The following STAG1 variants were observed in gnomAD, a reference collection of about 807,000 sequenced individuals.
The protein encoded by STAG1 is STAG1 cohesin complex component.
A neutral mutation model predicts 170.9 loss-of-function variants in STAG1; 26 were observed. The ratio of observed to expected loss-of-function variants is 0.15; its 90% CI spans 0.11 to 0.21. The LOEUF (loss-of-function observed/expected upper bound fraction) is 0.21, where lower values mean the gene tolerates loss of function less well. STAG1 is among the 10% of genes least tolerant of loss of function. The pLI is 1.00. For missense variants in STAG1, 964 were observed against 1,509.5 expected, an observed-to-expected ratio of 0.64 and a Z score of 5.99; for synonymous variants, 514 against 497.7, an observed-to-expected ratio of 1.03 and a Z score of -0.44.
chr3:136,578,541 CAACT>C (rs1937525705), intron 4 of STAG1, among the ~76,000 whole-genome samples: 1 of 152,202 alleles, frequency 6.6e-6, no homozygotes, highest in Admixed American at 6.5e-5. Context: ...GATCCCTGTA[CAACT>C]ATTCCAAGTA....
At chr3:136,475,382 G>A (rs913983528) in intron 10 of STAG1, among the ~76,000 whole-genome samples, 2 of 152,000 alleles carry the variant, frequency 1.3e-5, no homozygotes, top group Non-Finnish European at 2.9e-5. Flanking sequence ...CCTGACCTCA[G>A]GTGATCCGCC....
At chr3:136,622,818 T>C (rs1939924842) in intron 3 of STAG1, among the ~76,000 whole-genome samples, 1 of 152,168 alleles carries the variant, frequency 6.6e-6, no homozygotes, top group Non-Finnish European at 1.5e-5. Context: ...AAAACAGTAC[T>C]TGGGAGCTCA....
chr3:136,369,599 G>C (rs1253234112), intron 23 of STAG1, among the ~76,000 whole-genome samples: 1 of 151,992 alleles, frequency 6.6e-6, no homozygotes, highest in Non-Finnish European at 1.5e-5. Context: ...GTTGATTACA[G>C]GTCAAAGAAC....
intron 16 of STAG1, among the ~76,000 whole-genome samples, chr3:136,423,777 C>T (rs2088028779): frequency 6.6e-6 from 1 of 152,076 alleles, no homozygotes; most frequent in South Asian, 2.1e-4. Flanking sequence ...ATATAAATTG[C>T]CACTTCATAA....
At chr3:136,398,279 A>T (rs1434039012) in intron 22 of STAG1, among the ~76,000 whole-genome samples, 2 of 152,112 alleles carry the variant, frequency 1.3e-5, no homozygotes, top group Non-Finnish European at 2.9e-5. Flanking sequence ...CACCATGCCC[A>T]GCTAATTTTT....
intron 7 of STAG1, among the ~76,000 whole-genome samples, chr3:136,516,244 T>G (rs895376525): frequency 1.3e-5 from 2 of 152,020 alleles, no homozygotes; most frequent in Non-Finnish European, 2.9e-5. Flanking sequence ...GCAGGCTGGG[T>G]GTGGTTGTAA....
chr3:136,398,035 C>T (rs1215540864), intron 22 of STAG1, among the ~76,000 whole-genome samples: 1 of 152,064 alleles, frequency 6.6e-6, no homozygotes, highest in African/African-American at 2.4e-5. Flanking sequence ...CAACCTCTGC[C>T]TCCTGGGTTC....
intron 1 of STAG1, among the ~76,000 whole-genome samples, chr3:136,733,528 G>A (rs1439432328): frequency 2.0e-5 from 3 of 152,108 alleles, no homozygotes; most frequent in Admixed American, 6.6e-5. Flanking sequence ...GACTTAGAAA[G>A]GTTAAAGAAG....
chr3:136,409,250 C>A (rs548822385), intron 21 of STAG1, among the ~76,000 whole-genome samples: 1 of 152,112 alleles, frequency 6.6e-6, no homozygotes, highest in East Asian at 1.9e-4. Flanking sequence ...GGTGACAGCA[C>A]AAGACTCTGT....
intron 9 of STAG1, among the ~76,000 whole-genome samples, chr3:136,477,781 T>C (rs530183002): frequency 6.6e-6 from 1 of 152,154 alleles, no homozygotes; most frequent in Admixed American, 6.5e-5. Flanking sequence ...TCAAAAGAAC[T>C]GTTAATCTTT....
At chr3:136,362,626 A>G (rs1936919089) in intron 26 of STAG1, among the ~76,000 whole-genome samples, 1 of 150,998 alleles carries the variant, frequency 6.6e-6, no homozygotes, top group Admixed American at 6.6e-5. Flanking sequence ...AAAAAAAGAA[A>G]AAAAAAGAAA....
chr3:136,719,422 G>A (rs1933075157), intron 1 of STAG1, among the ~76,000 whole-genome samples: 1 of 151,956 alleles, frequency 6.6e-6, no homozygotes, highest in African/African-American at 2.4e-5. Context: ...TCTGAAATTA[G>A]GTAGTGTTGG....
chr3:136,397,340 TG>T (rs1469044691), intron 22 of STAG1, among the ~76,000 whole-genome samples: 2 of 152,226 alleles, frequency 1.3e-5, no homozygotes, highest in Non-Finnish European at 2.9e-5. Context: ...GTTTTACTTG[TG>T]GAAAATTCTT....
intron 7 of STAG1, among the ~76,000 whole-genome samples, chr3:136,519,717 A>G (rs917484627): frequency 6.6e-5 from 10 of 152,128 alleles, no homozygotes; most frequent in Admixed American, 5.9e-4. Flanking sequence ...GTCTAACATT[A>G]TATAACTGTT....
At chr3:136,464,641 C>A (rs947337993) in intron 13 of STAG1, among the ~76,000 whole-genome samples, 1 of 151,938 alleles carries the variant, frequency 6.6e-6, no homozygotes, top group South Asian at 2.1e-4. Flanking sequence ...TCTCCACTCA[C>A]ATCTAGCTGA....
intron 3 of STAG1, among the ~76,000 whole-genome samples, chr3:136,611,475 G>C (rs1939273558): frequency 1.3e-5 from 2 of 151,382 alleles, no homozygotes; most frequent in Non-Finnish European, 2.9e-5. Context: ...TTTTGTGCAT[G>C]AAACAAAGTT....
At chr3:136,449,953 G>A (rs2088891102) in intron 14 of STAG1, among the ~76,000 whole-genome samples, 1 of 143,282 alleles carries the variant, frequency 7.0e-6, no homozygotes, top group African/African-American at 2.7e-5. Context: ...GAGTACAAAT[G>A]GAGCGATCAT....
At chr3:136,433,823 G>A (rs2088379849) in intron 15 of STAG1, among the ~76,000 whole-genome samples, 164 bp from the exon 16 acceptor site, 1 of 151,438 alleles carries the variant, frequency 6.6e-6, no homozygotes. Flanking sequence ...AAGTAATTAT[G>A]TGCTTGCTGT....
intron 1 of STAG1, among the ~76,000 whole-genome samples, chr3:136,749,165 T>C (rs969221873): frequency 6.6e-6 from 1 of 152,184 alleles, no homozygotes. Context: ...AATATATGTT[T>C]GCATATGTAA....
Sources: allele counts gnomAD v4.1 joint callset (sites outside exome capture counted in the v4.1 genomes callset), GRCh38; gene constraint gnomAD v4.1.1; transcripts MANE v1.5; gene names NCBI Gene and HGNC (gene_info 2026-07-23, HGNC 2026-07-21).